The following FUBP3 variants were observed in gnomAD, a reference collection of about 807,000 sequenced individuals.
The protein encoded by FUBP3 is far upstream element-binding protein 3.
In FUBP3, 28 loss-of-function variants were observed where a neutral mutation model predicts 85.6. The ratio of observed to expected loss-of-function variants is 0.33; its 90% CI spans 0.24 to 0.45. The LOEUF (loss-of-function observed/expected upper bound fraction) is 0.45. Among genes scored for constraint, FUBP3 ranks in the 20% least tolerant of loss-of-function variants. FUBP3 has a pLI of 1.00. For synonymous variants in FUBP3, 271 were observed against 271.4 expected, an observed-to-expected ratio of 1.00 and a Z score of 0.01; for missense variants, 583 against 755.1, an observed-to-expected ratio of 0.77 and a Z score of 2.67.
At position 130,635,985 on chromosome 9, in the gene FUBP3, C is replaced by G; in HGVS notation, c.1583-14C>G. ...CCGCTCCCGATAACCTGTGTTTCCT[C>G]CTTTGTCAACCAGGTCACGCCGCCA... On this transcript the variant is annotated splice_polypyrimidine_tract_variant and intron_variant, in intron 17 of 18. Transcript: ENST00000319725. The surrounding 1 kb of genome is among the most constrained non-coding windows in gnomAD (Gnocchi z 4.3). The G allele has an allele frequency of 1.2e-6, 2 of 1,612,978 alleles. No individual in the cohort carries two copies. The highest frequency in any genetic ancestry group is 1.7e-6 in the Non-Finnish European group (2 of 1,179,622).
Position 130,617,808 on chromosome 9 carries a change from G to A in FUBP3, c.579G>A (p.Gly193=), listed in dbSNP as rs369349445. The A allele has an allele frequency of 3.3e-5, 52 of 1,595,460 alleles. No homozygotes were observed. Among genetic ancestry groups the A allele is most frequent in the Non-Finnish European group, 4.1e-5 (48 of 1,163,034 alleles). The stretch of plus-strand genomic sequence containing the variant: ...TGTGTTCCCCACAGGAGCGGACAGG[G>A]GTGAAGATGGTCATGATCCAGGATG... ...ETIKQLQERT[G]VKMVMIQDGP... The change falls in exon 8 of 19, where the codon GGG becomes GGA. Residue 193 remains glycine, a synonymous_variant. Coordinates refer to ENST00000319725, the MANE Select transcript of FUBP3 (RefSeq NM_003934.2).
intron 11 of FUBP3, chr9:130,626,162 G>A (rs1829963090): frequency 1.7e-6 from 1 of 573,318 alleles, no homozygotes; most frequent in African/African-American, 1.9e-5. Context: ...GTGTTCGTCT[G>A]CACAGGTCCT....
chr9:130,610,649 A>G (rs1027678194), intron 3 of FUBP3, among the ~76,000 whole-genome samples: 3 of 152,242 alleles, frequency 2.0e-5, no homozygotes, highest in African/African-American at 4.8e-5. Flanking sequence ...GGAAAAATAT[A>G]CAAGAAACTG....
chr9:130,623,791 TAG>T, intron 11 of FUBP3, 80 bp downstream of exon 11: 1 of 842,204 alleles, frequency 1.2e-6, no homozygotes, highest in Admixed American at 2.2e-5. Context: ...TGCAGCACCA[TAG>T]AGCTGTCACC....
intron 1 of FUBP3, among the ~76,000 whole-genome samples, chr9:130,584,863 C>A (rs905019512): frequency 1.4e-5 from 2 of 141,728 alleles, no homozygotes; most frequent in African/African-American, 5.3e-5. Context: ...AGCAAGCCTC[C>A]ATCCCAAAAA....
intron 2 of FUBP3, among the ~76,000 whole-genome samples, chr9:130,608,857 A>G (rs1371482433): frequency 6.6e-6 from 1 of 152,120 alleles, no homozygotes; most frequent in Admixed American, 6.5e-5. Context: ...TTTACTGTCC[A>G]GTCGGAGAAT....
In FUBP3 at chr9:130,635,837, T is replaced by C. The variant is rs1340589934; in HGVS notation, c.1583-162T>C. ...GCAACAAGAGGCTAACAGCACCTTT[T>C]GTAGCAAGCGCTCCTGCAACACCAG... is the stretch of plus-strand genomic sequence containing the variant. On this transcript the variant is annotated intron_variant, in intron 17 of 18. Transcript: ENST00000319725. The surrounding 1 kb of genome is among the most constrained non-coding windows in gnomAD (Gnocchi z 4.3). 2.9e-6 allele frequency: 2 copies of C among 679,928 alleles called. No homozygotes were observed. Among genetic ancestry groups the C allele is most frequent in the African/African-American group, 3.6e-5 (2 of 55,800 alleles). The allele number at this position is 679,928 out of a possible 1,614,324, so 42.1% of individuals were successfully genotyped here.
rs374221055 is a variant in FUBP3, at chr9:130,620,431, C to T, written c.744C>T (p.Asn248=). The T allele has an allele frequency of 5.0e-6, 8 of 1,597,400 alleles. No individual in the cohort carries two copies. Among genetic ancestry groups the T allele is most frequent in the Non-Finnish European group, 6.8e-6 (8 of 1,168,246 alleles). ...TTCGGGGTGTACGCGGCGATTTCAA[C>T]TCTCGAATGGGAGGAGGCAGTATAG... The part of the protein sequence containing the change: ...ADFRGVRGDF[N]SRMGGGSIEV... Residue 248 remains asparagine (N), a synonymous_variant, in exon 9 of 19, where the codon AAC becomes AAT. Transcript: ENST00000319725.
At chr9:130,636,707 A>G (rs1830433828) in intron 18 of FUBP3, among the ~76,000 whole-genome samples, 1 of 152,228 alleles carries the variant, frequency 6.6e-6, no homozygotes, top group South Asian at 2.1e-4. Context: ...TCAGGTCCTC[A>G]TGGATAACAT....
chr9:130,622,320 CAAAAAAA>C (rs917479721), intron 9 of FUBP3, among the ~76,000 whole-genome samples: 42 of 44,348 alleles, frequency 9.5e-4, no homozygotes, highest in African/African-American at 3.2e-3. Context: ...ACTCCATCTC[CAAAAAAA>C]AAAAAAAAAA....
At chr9:130,606,202 C>T (rs749495958) in intron 2 of FUBP3, among the ~76,000 whole-genome samples, 1 of 152,058 alleles carries the variant, frequency 6.6e-6, no homozygotes, top group African/African-American at 2.4e-5. Flanking sequence ...TCTAAAAACG[C>T]CCTGAATCCT....
intron 5 of FUBP3, among the ~76,000 whole-genome samples, chr9:130,613,739 A>G (rs1284123599): frequency 6.6e-6 from 1 of 152,184 alleles, no homozygotes; most frequent in East Asian, 1.9e-4. Flanking sequence ...GATTTTAAGA[A>G]GCAAATTTTT....
intron 3 of FUBP3, among the ~76,000 whole-genome samples, chr9:130,610,972 A>G (rs565560171): frequency 1.1e-4 from 16 of 152,254 alleles, no homozygotes; most frequent in Admixed American, 2.0e-4. Context: ...TTCTTTTCCA[A>G]GGTGTTTATA....
At position 130,612,157 on chromosome 9, in the gene FUBP3, T is replaced by G. The variant is rs1311113736; in HGVS notation, c.225-299T>G. 6.6e-6 allele frequency among the ~76,000 whole-genome samples: 1 copy of G among 152,162 alleles called. No individual in the cohort carries two copies. Among genetic ancestry groups the G allele is most frequent in the East Asian group, 1.9e-4 (1 of 5,196 alleles). Reference sequence around the variant, plus strand: ...CTAACCAGGCAGAATGAGGCAACACTGAGAGGTGCTGTATGAAGAAAAGGC... The same window carrying G: ...CTAACCAGGCAGAATGAGGCAACACGGAGAGGTGCTGTATGAAGAAAAGGC... On this transcript the variant is annotated intron_variant, in intron 3 of 18. Coordinates refer to ENST00000319725, the MANE Select transcript of FUBP3 (RefSeq NM_003934.2). This position sits in a 1 kb window ranked among gnomAD's most constrained non-coding sequence, Gnocchi z 4.1.
Position 130,635,106 on chromosome 9 carries a change from C to A in FUBP3, c.1582+368C>A, listed in dbSNP as rs1455014357. Among the ~76,000 whole-genome samples the A allele has an allele frequency of 6.6e-6, 1 of 152,126 alleles. No individual in the cohort carries two copies. The highest frequency in any genetic ancestry group is 2.4e-5 in the African/African-American group (1 of 41,414). On this transcript the variant is annotated intron_variant, in intron 17 of 18. Transcript: ENST00000319725. This position sits in a 1 kb window ranked among gnomAD's most constrained non-coding sequence, Gnocchi z 4.3. ...GCCACCTGGCCGGCAAACAGACCAACCAGACATCTTGTTCTCTGTCTTGGT... is the reference window on the plus strand; with the variant it reads ...GCCACCTGGCCGGCAAACAGACCAAACAGACATCTTGTTCTCTGTCTTGGT...
intron 2 of FUBP3, chr9:130,596,708 A>G (rs1830890639): frequency 7.2e-6 from 3 of 419,124 alleles, no homozygotes; most frequent in South Asian, 1.8e-5. Context: ...GCAAATCTCA[A>G]TGTCCTGAAT....
In FUBP3 at chr9:130,620,412, G is replaced by T; in HGVS notation, c.725G>T (p.Gly242Val). ...GAAAAAGACCAAGCTGACTTTCGGG[G>T]TGTACGCGGCGATTTCAACTCTCGA... ...IREKDQADFR[G>V]VRGDFNSRMG... Residue 242 changes from glycine (G) to valine (V), a missense_variant, in exon 9 of 19, where the codon GGT becomes GTT. Physicochemically the swap from Gly to Val is moderately radical, Grantham distance 109. Coordinates refer to ENST00000319725, the MANE Select transcript of FUBP3 (RefSeq NM_003934.2). The T allele has an allele frequency of 1.2e-6, 2 of 1,605,794 alleles. No individual in the cohort carries two copies. Among genetic ancestry groups the T allele is most frequent in the Non-Finnish European group, 1.7e-6 (2 of 1,175,462 alleles).
intron 18 of FUBP3, 66 bp from the exon 19 acceptor site, chr9:130,636,948 G>T: frequency 7.0e-7 from 1 of 1,432,366 alleles, no homozygotes; most frequent in Non-Finnish European, 9.9e-7. Context: ...ACCTGGGGGA[G>T]GTCACTGGCA....
At chr9:130,632,125 G>A (rs1311847044) in intron 15 of FUBP3, 77 bp from the exon 16 acceptor site, 49 of 1,455,276 alleles carry the variant, frequency 3.4e-5, no homozygotes, top group Non-Finnish European at 4.6e-5. Context: ...TGGGGTGAGG[G>A]AGGTGAGCAG....
Sources: allele counts gnomAD v4.1 joint callset (sites outside exome capture counted in the v4.1 genomes callset), GRCh38; gene constraint gnomAD v4.1.1; non-coding constraint Gnocchi (gnomAD v3.1); transcripts MANE v1.5; gene names NCBI Gene and HGNC (gene_info 2026-07-23, HGNC 2026-07-21).